Variants in PIGU observed in about 807,000 individuals in gnomAD.
PIGU encodes the protein GPI-anchor transamidase component PIGU.
PIGU carries 24 observed loss-of-function variants against 49.9 expected under a neutral mutation model. The ratio of observed to expected loss-of-function variants is 0.48; its 90% CI spans 0.35 to 0.68. The LOEUF (loss-of-function observed/expected upper bound fraction) is 0.68. Among genes scored for constraint, PIGU ranks in the 30% least tolerant of loss-of-function variants. The pLI is 0.01. For missense variants in PIGU, 490 were observed against 532.6 expected (o/e 0.92, Z 0.79); for synonymous variants, 220 against 205.7 (o/e 1.07, Z -0.59).
At chr20:34,666,687 CTTTTTTTTTT>C (rs918644106) in intron 1 of PIGU, among the ~76,000 whole-genome samples, 4 of 90,614 alleles carry the variant, frequency 4.4e-5, no homozygotes, top group South Asian at 3.9e-4. Flanking sequence ...CTGACTAATT[CTTTTTTTTTT>C]TTTTTTTTTT....
chr20:34,610,741 T>C (rs1984782401), intron 7 of PIGU, among the ~76,000 whole-genome samples: 1 of 152,180 alleles, frequency 6.6e-6, no homozygotes, highest in Non-Finnish European at 1.5e-5. Flanking sequence ...AGAGCCTGTG[T>C]AGCCAAGACA....
At chr20:34,596,462 A>G (rs1984203592) in intron 7 of PIGU, among the ~76,000 whole-genome samples, 1 of 152,228 alleles carries the variant, frequency 6.6e-6, no homozygotes, top group East Asian at 1.9e-4. Context: ...TTTGTTCTTG[A>G]TAACTGTATA....
chr20:34,575,590 C>T (rs145301561), intron 10 of PIGU, among the ~76,000 whole-genome samples: 3 of 152,060 alleles, frequency 2.0e-5, no homozygotes, highest in Non-Finnish European at 2.9e-5. Context: ...TTGGAGGGTC[C>T]AAGAGTATCC....
chr20:34,661,518 C>T (rs1986926036), intron 1 of PIGU, among the ~76,000 whole-genome samples: 1 of 150,812 alleles, frequency 6.6e-6, no homozygotes, highest in Non-Finnish European at 1.5e-5. Context: ...CAGCTCCATC[C>T]ATGTTGGTGC....
chr20:34,662,547 A>G (rs1986959864), intron 1 of PIGU, among the ~76,000 whole-genome samples: 1 of 151,906 alleles, frequency 6.6e-6, no homozygotes, highest in African/African-American at 2.4e-5. Context: ...GGTGCCTGCC[A>G]CCAGACCACC....
intron 6 of PIGU, among the ~76,000 whole-genome samples, chr20:34,619,218 A>G (rs1985118086): frequency 6.6e-6 from 1 of 152,214 alleles, no homozygotes; most frequent in Non-Finnish European, 1.5e-5. Flanking sequence ...GTACTCATAA[A>G]TATGACTGTG....
At chr20:34,633,900 G>A (rs1985874525) in intron 6 of PIGU, among the ~76,000 whole-genome samples, 1 of 151,976 alleles carries the variant, frequency 6.6e-6, no homozygotes. Context: ...TGTCCATGAT[G>A]GGAGTGCAAC....
Position 34,645,310 on chromosome 20 carries a change from G to A in PIGU, c.220C>T (p.His74Tyr), listed in dbSNP as rs750711834. The change falls in exon 3 of 12, where the codon CAT (histidine) becomes TAT (tyrosine). Residue 74 changes from histidine (H) to tyrosine (Y), a missense_variant. Physicochemically the swap from His to Tyr is moderately conservative, Grantham distance 83 (BLOSUM62 2). Transcript: ENST00000217446. ...AATTCAGCATAGTCAATTAGGAAAT[G>A]AAAGAGGTATATTATTAATGGAGTC... ...HETPLIIYLFHFLIDYAELVF... is the reference protein window; with the variant it reads ...HETPLIIYLFYFLIDYAELVF... 2 of 1,575,714 alleles carry A rather than the reference G, an allele frequency of 1.3e-6. No homozygotes were observed. The highest frequency in any genetic ancestry group is 1.7e-6 in the Non-Finnish European group (2 of 1,166,654).
chr20:34,671,530 G>C (rs1987305837), intron 1 of PIGU, among the ~76,000 whole-genome samples: 1 of 151,956 alleles, frequency 6.6e-6, no homozygotes, highest in Non-Finnish European at 1.5e-5. Flanking sequence ...CCCAAGTGCT[G>C]GGATTACAGG....
intron 4 of PIGU, among the ~76,000 whole-genome samples, chr20:34,643,383 T>A (rs552056529): frequency 9.9e-5 from 15 of 152,272 alleles, no homozygotes; most frequent in African/African-American, 3.6e-4. Context: ...CTGTCACTGA[T>A]GACCAGTGAC....
chr20:34,591,910 C>T (rs538788639), intron 7 of PIGU, among the ~76,000 whole-genome samples: 1 of 152,126 alleles, frequency 6.6e-6, no homozygotes, highest in South Asian at 2.1e-4. Flanking sequence ...TTTGGTAGGC[C>T]GGCGTGTTGG....
Position 34,585,595 on chromosome 20 carries a change from A to T in PIGU, c.783-15T>A. ...GAACAGAAAGTCTGGAATTAAGAAA[A>T]CAAAGGGAGAGAAAAAAGACAAAAG... On this transcript the variant is annotated splice_polypyrimidine_tract_variant and intron_variant, in intron 8 of 11. Coordinates refer to ENST00000217446, the MANE Select transcript of PIGU (RefSeq NM_080476.5). 6.2e-7 allele frequency: 1 copy of T among 1,609,746 alleles called. No individual in the cohort carries two copies. Among genetic ancestry groups the T allele is most frequent in the Non-Finnish European group, 8.5e-7 (1 of 1,177,970 alleles).
chr20:34,577,309 C>T (rs1983276027), intron 10 of PIGU, among the ~76,000 whole-genome samples: 1 of 152,086 alleles, frequency 6.6e-6, no homozygotes, highest in African/African-American at 2.4e-5. Context: ...GGAGAAACTC[C>T]CAAACATTTA....
At chr20:34,600,105 G>A (rs1384177172) in intron 7 of PIGU, among the ~76,000 whole-genome samples, 1 of 152,088 alleles carries the variant, frequency 6.6e-6, no homozygotes, top group East Asian at 1.9e-4. Flanking sequence ...ATAAATTTCT[G>A]GGGATGGAAA....
rs1352844823 is a variant in PIGU, at chr20:34,575,205, AGAC to A, written c.1090_1092del (p.Val364del). 1 of 1,614,166 alleles carries A rather than the reference AGAC, an allele frequency of 6.2e-7. No homozygotes were observed. Among genetic ancestry groups the A allele is most frequent in the African/African-American group, 1.3e-5 (1 of 75,038 alleles). On this transcript the variant is annotated inframe_deletion, in exon 11 of 12. Coordinates refer to ENST00000217446, the MANE Select transcript of PIGU (RefSeq NM_080476.5). ...CACAGGACAGGGAAGAGCAGGGAAC[AGAC>A]GATGATGATGCAGGTGAGGACAAAG...
intron 1 of PIGU, among the ~76,000 whole-genome samples, chr20:34,671,667 TCC>T (rs1443176500): frequency 6.6e-6 from 1 of 152,032 alleles, no homozygotes; most frequent in Non-Finnish European, 1.5e-5. Context: ...ACACCTGTAA[TCC>T]ACCACTTTGG....
intron 1 of PIGU, among the ~76,000 whole-genome samples, chr20:34,658,237 C>A (rs1430057752): frequency 6.6e-6 from 1 of 152,212 alleles, no homozygotes; most frequent in Non-Finnish European, 1.5e-5. Context: ...GCGAGTGATC[C>A]GCCAACCTCG....
chr20:34,624,615 T>C (rs1044839631), intron 6 of PIGU, among the ~76,000 whole-genome samples: 2 of 152,224 alleles, frequency 1.3e-5, no homozygotes, highest in Admixed American at 6.5e-5. Context: ...TCTATTAGCA[T>C]CTGTTTGTCT....
At chr20:34,644,703 A>T (rs939761534) in intron 3 of PIGU, among the ~76,000 whole-genome samples, 2 of 152,100 alleles carry the variant, frequency 1.3e-5, no homozygotes, top group South Asian at 4.1e-4. Flanking sequence ...TGTCATCCCA[A>T]TTCTGAAGCT....
Sources: gnomAD v4.1 joint callset for allele counts (sites outside exome capture counted in the v4.1 genomes callset) on GRCh38, gnomAD v4.1.1 for gene constraint, MANE v1.5 for transcripts, NCBI Gene and HGNC (gene_info 2026-07-23, HGNC 2026-07-21) for gene names.